Variants in MYO7A observed in about 807,000 individuals in gnomAD.
MYO7A encodes the protein unconventional myosin-VIIa.
In MYO7A, 210 loss-of-function variants were observed where a neutral mutation model predicts 263.8. The observed-to-expected ratio is 0.80, with a 90% CI of 0.71 to 0.89. The LOEUF (loss-of-function observed/expected upper bound fraction) is 0.89. Ranked by LOEUF, MYO7A falls within the 40% of genes least tolerant of loss-of-function variation. The probability of loss-of-function intolerance (pLI) is 0.00; values close to 1 mark genes in which losing one functional copy is unlikely to be tolerated. For synonymous variants in MYO7A, 1,239 were observed against 1,197.3 expected, an observed-to-expected ratio of 1.03 and a Z score of -0.72; for missense variants, 2,820 against 2,968.3, an observed-to-expected ratio of 0.95 and a Z score of 1.16.
chr11:77,147,584 A>G (rs1344040387), intron 3 of MYO7A, among the ~76,000 whole-genome samples: 1 of 151,910 alleles, frequency 6.6e-6, no homozygotes, highest in Non-Finnish European at 1.5e-5. Context: ...CTGCGGGAAA[A>G]TCCCCTAAGA....
intron 9 of MYO7A, among the ~76,000 whole-genome samples, chr11:77,158,778 A>G (rs1472865647): frequency 6.6e-6 from 1 of 152,204 alleles, no homozygotes; most frequent in Non-Finnish European, 1.5e-5. Context: ...CTAAGGTGTG[A>G]GTGACTGGAT....
At chr11:77,193,021 A>AGTT (rs1956278506) in intron 31 of MYO7A, among the ~76,000 whole-genome samples, 3 of 120,218 alleles carry the variant, frequency 2.5e-5, no homozygotes, top group Non-Finnish European at 4.9e-5. Flanking sequence ...TGGTGGAGGT[A>AGTT]GCGATGGTGT....
rs1209499336 is a variant in MYO7A at position 77,212,934 on chromosome 11, T to C, written c.6355-18T>C. Reference sequence around the variant, plus strand: ...TGCTCTGGGCCCCCATCTGATGCCTTCTCATCTTTTTTTCTAGCAAACTAC... The same window carrying C: ...TGCTCTGGGCCCCCATCTGATGCCTCCTCATCTTTTTTTCTAGCAAACTAC... On this transcript the variant is annotated intron_variant, in intron 46 of 48. Coordinates refer to ENST00000409709, the MANE Select transcript of MYO7A (RefSeq NM_000260.4). The C allele has an allele frequency of 1.2e-5, 19 of 1,570,312 alleles. No individual in the cohort carries two copies.
intron 20 of MYO7A, 124 bp from the exon 21 acceptor site, chr11:77,179,611 A>C: frequency 1.3e-6 from 1 of 791,418 alleles, no homozygotes; most frequent in African/African-American, 1.7e-5. Flanking sequence ...CTGAGAGGAG[A>C]CTGGGCCACG....
In MYO7A at chr11:77,181,979, TGGA is replaced by T. The variant is rs1565412676; in HGVS notation, c.2940_2942del (p.Glu980del). 7.4e-6 allele frequency: 12 copies of T among 1,612,958 alleles called. No homozygotes were observed. The highest frequency in any genetic ancestry group is 1.0e-5 in the Non-Finnish European group (12 of 1,179,706). On this transcript the variant is annotated inframe_deletion, in exon 24 of 49. Coordinates refer to ENST00000409709, the MANE Select transcript of MYO7A (RefSeq NM_000260.4). Reference sequence around the variant, plus strand: ...CTGGAGCGAGGGCGGAGGGAGATGGTGGAGGAGGACCTGGATGCAGCCCTGCCC... The same window carrying T: ...CTGGAGCGAGGGCGGAGGGAGATGGTGGAGGACCTGGATGCAGCCCTGCCC...
chr11:77,160,209 T>C lies in MYO7A; in HGVS notation c.1127T>C (p.Ile376Thr), dbSNP rs781880467. ...AGCTGCCTGACTAGCCGCACCCTCA[T>C]CACCCGCGGGGAGACGGTGTCCACC... ...LMSCLTSRTL[I>T]TRGETVSTPL... Residue 376 changes from isoleucine (I) to threonine (T), a missense_variant, in exon 11 of 49, where the codon ATC (isoleucine) becomes ACC (threonine). Coordinates refer to ENST00000409709, the MANE Select transcript of MYO7A (RefSeq NM_000260.4). 3 of 1,580,852 alleles carry C rather than the reference T, an allele frequency of 1.9e-6. No individual in the cohort carries two copies. In the Admixed American group the frequency reaches 5.4e-5, roughly 28 times the overall value.
At chr11:77,212,524 C>T (rs373884310) in intron 46 of MYO7A, 127 of 331,990 alleles carry the variant, frequency 3.8e-4, no homozygotes, top group African/African-American at 2.1e-3. Flanking sequence ...TCTCAGGCTG[C>T]GGGTGGAGGA....
At chr11:77,200,093 A>C (rs1490258725) in intron 35 of MYO7A, among the ~76,000 whole-genome samples, 2 of 151,930 alleles carry the variant, frequency 1.3e-5, no homozygotes, top group Non-Finnish European at 2.9e-5. Context: ...ACATAGTGAG[A>C]CCCTCGTCTC....
rs1006822995 is a variant in MYO7A at position 77,213,162 on chromosome 11, G to A, written c.6438+127G>A. On this transcript the variant is annotated intron_variant, in intron 47 of 48. Transcript: ENST00000409709. ...TCTAGACTCATCCACCCATCACGTG[G>A]CTTCAAAAGCTGTCAGCGTTTGCTA... 5.7e-5 allele frequency: 42 copies of A among 735,170 alleles called. No homozygotes were observed. The African/African-American group carries it at 7.1e-4, about 13-fold the overall frequency. 45.5% of individuals were successfully genotyped at this position (735,170 alleles called of 1,614,324 possible).
chr11:77,151,818 A>C (rs1555057338), intron 4 of MYO7A, among the ~76,000 whole-genome samples: 1 of 152,238 alleles, frequency 6.6e-6, no homozygotes, highest in African/African-American at 2.4e-5. Flanking sequence ...AGTGGTGGCC[A>C]GCCTCCTCTT....
intron 2 of MYO7A, among the ~76,000 whole-genome samples, chr11:77,139,115 A>G (rs1434826538): frequency 1.3e-5 from 2 of 152,250 alleles, no homozygotes; most frequent in Non-Finnish European, 2.9e-5. Flanking sequence ...CTTTACATGC[A>G]CTGACTCCTT....
chr11:77,174,765 C>T lies in MYO7A; in HGVS notation c.1945C>T (p.Arg649Trp), dbSNP rs782503314. The T allele has an allele frequency of 1.9e-5, 31 of 1,593,306 alleles. No homozygotes were observed. The highest frequency in any genetic ancestry group is 6.8e-5 in the East Asian group (3 of 43,832). Residue 649 changes from arginine (R) to tryptophan (W), a missense_variant, in exon 17 of 49, where the codon CGG (arginine) becomes TGG (tryptophan). Arg to Trp is a moderately radical substitution (Grantham distance 101). Coordinates refer to ENST00000409709, the MANE Select transcript of MYO7A (RefSeq NM_000260.4). ...NEFKKPMLFD[R>W]HLCVRQLRYS... ...GCTGTGTGCCTGGCAGCTGTTCGAC[C>T]GGCACCTGTGCGTGCGCCAGCTGCG...
chr11:77,161,218 ACT>A, intron 12 of MYO7A, 103 bp downstream of exon 12: 1 of 1,405,112 alleles, frequency 7.1e-7, no homozygotes, highest in South Asian at 1.3e-5. Context: ...CTCCTGGCAC[ACT>A]CTGCCAGGCT....
At chr11:77,129,747 G>T (rs1045569045) in intron 1 of MYO7A, among the ~76,000 whole-genome samples, 33 of 152,312 alleles carry the variant, frequency 2.2e-4, no homozygotes, top group African/African-American at 7.5e-4. Context: ...CCTGGAGGAG[G>T]TATCATCTGA....
Position 77,180,471 on chromosome 11 carries a change from G to A in MYO7A, c.2684G>A (p.Arg895His), listed in dbSNP as rs1007895502. The A allele has an allele frequency of 6.8e-6, 11 of 1,612,016 alleles. No homozygotes were observed. The highest frequency in any genetic ancestry group is 1.3e-5 in the African/African-American group (1 of 74,938). The change falls in exon 22 of 49, where the codon CGC becomes CAC. Residue 895 changes from arginine (R) to histidine (H), a missense_variant. Transcript: ENST00000409709. ...AAGAAGGCCAAGGAGGAGGCCGAGC[G>A]CAAGCATCAGGTGAGCTGAGAGCCT... ...SAKKAKEEAE[R>H]KHQERLAQLA...
intron 8 of MYO7A, 147 bp downstream of exon 8, chr11:77,157,539 TG>T: frequency 1.6e-6 from 1 of 619,982 alleles, no homozygotes. Flanking sequence ...CAAGGAGAAG[TG>T]GGCTCCTGGC....
chr11:77,211,728 T>G (rs1227525343), intron 45 of MYO7A, 93 bp from the exon 46 acceptor site: 1 of 916,154 alleles, frequency 1.1e-6, no homozygotes, highest in African/African-American at 1.6e-5. Context: ...TGGGCAGGGG[T>G]GGTGTGGGGA....
intron 30 of MYO7A, chr11:77,191,148 C>T (rs1378558475): frequency 6.7e-5 from 20 of 297,426 alleles, no homozygotes; most frequent in Admixed American, 1.4e-4. Flanking sequence ...AGTGAAACCT[C>T]GTCTCTACTA....
rs782498368 is a variant in MYO7A at position 77,180,454 on chromosome 11, C to G, written c.2667C>G (p.Ala889=). 2 of 1,612,406 alleles carry G rather than the reference C, an allele frequency of 1.2e-6. No homozygotes were observed. The change falls in exon 22 of 49, where the codon GCC becomes GCG. Residue 889 remains alanine, a synonymous_variant. Coordinates refer to ENST00000409709, the MANE Select transcript of MYO7A (RefSeq NM_000260.4). ...GGAAGGAGATGAGCGCCAAGAAGGC[C>G]AAGGAGGAGGCCGAGCGCAAGCATC... The part of the protein sequence containing the change: ...KLRKEMSAKK[A]KEEAERKHQE...
Sources: gnomAD v4.1 joint callset for allele counts (sites outside exome capture counted in the v4.1 genomes callset) on GRCh38, gnomAD v4.1.1 for gene constraint, MANE v1.5 for transcripts, NCBI Gene and HGNC (gene_info 2026-07-23, HGNC 2026-07-21) for gene names.